NFIB: variants seen among roughly 807,000 people sequenced by gnomAD.
NFIB encodes nuclear factor I B.
NFIB carries 11 observed loss-of-function variants against 61.5 expected under a neutral mutation model. That is an observed-to-expected ratio of 0.18 (90% CI 0.11 to 0.30). The LOEUF is 0.30. NFIB is among the 10% of genes least tolerant of loss of function. The pLI is 1.00. For missense variants in NFIB, 471 were observed against 608.9 expected, an observed-to-expected ratio of 0.77 and a Z score of 2.38; for synonymous variants, 260 against 216.5, an observed-to-expected ratio of 1.20 and a Z score of -1.76.
At chr9:14,242,461 C>T (rs1388405372) in intron 2 of NFIB, among the ~76,000 whole-genome samples, 1 of 152,114 alleles carries the variant, frequency 6.6e-6, no homozygotes, top group Admixed American at 6.6e-5. Flanking sequence ...ATGATCTCTC[C>T]CCTTGTTCTA....
At chr9:14,161,133 C>T (rs1222451691) in intron 3 of NFIB, among the ~76,000 whole-genome samples, 2 of 152,158 alleles carry the variant, frequency 1.3e-5, no homozygotes, top group Non-Finnish European at 2.9e-5. Context: ...CCACAACTAA[C>T]CCATTGGTAA....
intron 2 of NFIB, among the ~76,000 whole-genome samples, chr9:14,216,956 T>C (rs896603069): frequency 2.6e-5 from 4 of 152,212 alleles, no homozygotes; most frequent in African/African-American, 9.6e-5. Flanking sequence ...ATATCCATCT[T>C]CTAAAATAAT....
intron 10 of NFIB, among the ~76,000 whole-genome samples, chr9:14,099,489 A>T (rs516075): frequency 0.5 from 75,898 of 151,678 alleles, 21,117 homozygotes; most frequent in African/African-American, 0.73. Flanking sequence ...AAACTAAAAA[A>T]GATGGATAAA....
Position 14,125,712 on chromosome 9 carries a change from G to A in NFIB, c.980C>T (p.Ala327Val), listed in dbSNP as rs141081089. 1.2e-6 allele frequency: 2 copies of A among 1,614,050 alleles called. No individual in the cohort carries two copies. Among genetic ancestry groups the A allele is most frequent in the African/African-American group, 2.7e-5 (2 of 74,928 alleles). ...TCTTGGGGAAGAATCCTGTGGAGAT[G>A]CAGAGCTGAACAATGGCTTTTCAGG... is the stretch of plus-strand genomic sequence containing the variant. ...KKPEKPLFSSASPQDSSPRLS... is the reference protein window; with the variant it reads ...KKPEKPLFSSVSPQDSSPRLS... The change falls in exon 7 of 11, where the codon GCA (alanine) becomes GTA (valine). Residue 327 changes from alanine (A) to valine (V), a missense_variant. Coordinates refer to ENST00000380953, the MANE Select transcript of NFIB (RefSeq NM_001190737.2).
At chr9:14,497,166 G>GT in the NFIB span, among the ~76,000 whole-genome samples, 123 of 152,224 alleles carry the variant, frequency 8.1e-4, 1 homozygote, top group Middle Eastern at 6.8e-3. Context: ...AGGTATCTAG[G>GT]TTTTTTTATC....
intron 6 of NFIB, among the ~76,000 whole-genome samples, chr9:14,129,006 G>A (rs1016872228): frequency 5.9e-5 from 9 of 151,998 alleles, no homozygotes; most frequent in Non-Finnish European, 7.4e-5. Context: ...TAATTATTAT[G>A]GGTCCATTTA....
At chr9:14,147,611 C>T (rs1002693309) in intron 5 of NFIB, among the ~76,000 whole-genome samples, 9 of 149,804 alleles carry the variant, frequency 6.0e-5, no homozygotes, top group African/African-American at 1.2e-4. Context: ...AAGGCCACTG[C>T]CAAATTCAAA....
intron 9 of NFIB, 62 bp from the exon 10 acceptor site, chr9:14,113,143 C>T: frequency 1.4e-6 from 2 of 1,442,888 alleles, no homozygotes; most frequent in South Asian, 2.7e-5. Flanking sequence ...AACACCCTGT[C>T]CATGTATAAG....
intron 3 of NFIB, 30 bp from the exon 4 acceptor site, chr9:14,155,923 C>A: frequency 1.5e-6 from 2 of 1,327,094 alleles, no homozygotes; most frequent in South Asian, 2.6e-5. Context: ...GAAAAATGAT[C>A]AATATAAGCA....
At chr9:14,111,395 A>G (rs2037356038) in intron 10 of NFIB, among the ~76,000 whole-genome samples, 1 of 152,178 alleles carries the variant, frequency 6.6e-6, no homozygotes, top group South Asian at 2.1e-4. Context: ...TGGTCAGAGT[A>G]TTCTAACTAG....
chr9:14,320,635 G>T (rs944796608), intron 1 of NFIB, among the ~76,000 whole-genome samples: 3 of 152,088 alleles, frequency 2.0e-5, no homozygotes, highest in Admixed American at 2.0e-4. Flanking sequence ...TAAATACACT[G>T]GAAAGTCACA....
At chr9:14,304,931 CAGAT>C (rs1444063376) in intron 2 of NFIB, among the ~76,000 whole-genome samples, 1 of 152,140 alleles carries the variant, frequency 6.6e-6, no homozygotes, top group African/African-American at 2.4e-5. Flanking sequence ...GAAGAACCAA[CAGAT>C]GTTAAGAGAA....
chr9:14,134,780 C>A (rs933365239), intron 6 of NFIB, among the ~76,000 whole-genome samples: 3 of 151,392 alleles, frequency 2.0e-5, no homozygotes, highest in African/African-American at 7.3e-5. Flanking sequence ...ATCTGTAATA[C>A]CAGCTACTGG....
chr9:14,176,612 T>C (rs553975805), intron 3 of NFIB, among the ~76,000 whole-genome samples: 126 of 152,254 alleles, frequency 8.3e-4, no homozygotes, highest in African/African-American at 2.9e-3. Context: ...CAAAAATGCG[T>C]TGCCTTTGCT....
At chr9:14,131,632 T>G (rs1052128584) in intron 6 of NFIB, among the ~76,000 whole-genome samples, 2 of 152,220 alleles carry the variant, frequency 1.3e-5, no homozygotes, top group Non-Finnish European at 2.9e-5. Context: ...TGTGATAAAA[T>G]GCTGCAGGGA....
At chr9:14,396,994 A>C (rs1216762416) in intron 1 of NFIB, among the ~76,000 whole-genome samples, 1 of 152,196 alleles carries the variant, frequency 6.6e-6, no homozygotes, top group African/African-American at 2.4e-5. Context: ...GGATTCTAAA[A>C]ACTAAGTAGG....
chr9:14,338,524 C>T (rs1451550436), intron 1 of NFIB, among the ~76,000 whole-genome samples: 2 of 152,172 alleles, frequency 1.3e-5, no homozygotes. Context: ...AGCTAGTGAC[C>T]TAACATCTGA....
intron 1 of NFIB, among the ~76,000 whole-genome samples, chr9:14,381,201 T>C (rs1488126233): frequency 2.6e-5 from 4 of 152,160 alleles, no homozygotes; most frequent in Non-Finnish European, 4.4e-5. Flanking sequence ...CTTTTTCTTT[T>C]TTCTTTTTGA....
the NFIB span, among the ~76,000 whole-genome samples, chr9:14,476,654 G>A: frequency 1.3e-5 from 2 of 151,882 alleles, no homozygotes; most frequent in Admixed American, 6.6e-5. Flanking sequence ...ACATTACAAG[G>A]GAATTTAGTC....
Sources: allele counts gnomAD v4.1 joint callset (sites outside exome capture counted in the v4.1 genomes callset), GRCh38; gene constraint gnomAD v4.1.1; transcripts MANE v1.5; gene names NCBI Gene and HGNC (gene_info 2026-07-23, HGNC 2026-07-21).